Variants in CADM2 observed in about 807,000 individuals in gnomAD.
CADM2 encodes cell adhesion molecule 2.
Under a neutral mutation model 49.8 loss-of-function variants are expected in CADM2, and 12 were observed. The observed-to-expected ratio is 0.24, with a 90% CI of 0.15 to 0.39. The LOEUF (loss-of-function observed/expected upper bound fraction) is 0.39. Among genes scored for constraint, CADM2 ranks in the 10% least tolerant of loss-of-function variants. The pLI is 1.00. For synonymous variants in CADM2, 214 were observed against 175.4 expected (o/e 1.22, Z -1.74); for missense variants, 378 against 492.3 (o/e 0.77, Z 2.20).
chr3:85,354,604 T>C (rs1003997482), intron 1 of CADM2, among the ~76,000 whole-genome samples: 8 of 44,898 alleles, frequency 1.8e-4, no homozygotes, highest in Non-Finnish European at 3.6e-4. Flanking sequence ...CATCATATTA[T>C]AAAGAATACC....
chr3:85,060,922 A>G (rs1235952246), intron 1 of CADM2, among the ~76,000 whole-genome samples: 1 of 152,164 alleles, frequency 6.6e-6, no homozygotes, highest in Non-Finnish European at 1.5e-5. Flanking sequence ...TTAAAATATA[A>G]TATAAATAAT....
At chr3:85,105,489 G>T (rs914315945) in intron 1 of CADM2, among the ~76,000 whole-genome samples, 1 of 152,188 alleles carries the variant, frequency 6.6e-6, no homozygotes, top group Non-Finnish European at 1.5e-5. Context: ...TACTTACACT[G>T]TTGGTGGGAC....
At chr3:85,891,987 A>T (rs1408365551) in intron 5 of CADM2, among the ~76,000 whole-genome samples, 1 of 152,204 alleles carries the variant, frequency 6.6e-6, no homozygotes, top group African/African-American at 2.4e-5. Context: ...GTTACACAGC[A>T]GTATTAGGAA....
At chr3:85,516,205 C>CTG (rs2060898969) in intron 1 of CADM2, among the ~76,000 whole-genome samples, 1 of 152,100 alleles carries the variant, frequency 6.6e-6, no homozygotes, top group Non-Finnish European at 1.5e-5. Context: ...AATGCAGATC[C>CTG]TGTGTTCCAT....
chr3:85,512,415 C>T (rs73128361), intron 1 of CADM2, among the ~76,000 whole-genome samples: 5 of 151,754 alleles, frequency 3.3e-5, no homozygotes, highest in African/African-American at 7.3e-5. Context: ...TCCAATAGAC[C>T]GTTGATTTCA....
chr3:85,533,891 C>A (rs562928763), intron 1 of CADM2, among the ~76,000 whole-genome samples: 1 of 151,950 alleles, frequency 6.6e-6, no homozygotes, highest in Non-Finnish European at 1.5e-5. Context: ...AGGGAAAGAG[C>A]AAGCCTTTCC....
At chr3:86,032,159 T>A (rs907880799) in intron 8 of CADM2, among the ~76,000 whole-genome samples, 12 of 150,868 alleles carry the variant, frequency 8.0e-5, no homozygotes, top group African/African-American at 3.0e-4. Context: ...ACATATAGAC[T>A]CTTATCACAG....
At chr3:85,257,814 C>T (rs915751786) in intron 1 of CADM2, among the ~76,000 whole-genome samples, 15 of 152,014 alleles carry the variant, frequency 9.9e-5, no homozygotes, top group Non-Finnish European at 1.8e-4. Context: ...TTTTAAAAAT[C>T]TATTTAATTT....
intron 1 of CADM2, among the ~76,000 whole-genome samples, chr3:85,285,492 A>C (rs1174246222): frequency 6.6e-6 from 1 of 152,154 alleles, no homozygotes; most frequent in African/African-American, 2.4e-5. Context: ...CTAACATGCA[A>C]ATTTTTTGTA....
intron 1 of CADM2, among the ~76,000 whole-genome samples, chr3:85,651,359 T>G (rs1057298604): frequency 2.0e-5 from 3 of 152,158 alleles, no homozygotes; most frequent in African/African-American, 7.2e-5. Context: ...GTCATGTCTT[T>G]GTGTATTCGT....
chr3:85,138,478 T>A (rs1229311980), intron 1 of CADM2, among the ~76,000 whole-genome samples: 1 of 152,160 alleles, frequency 6.6e-6, no homozygotes, highest in Non-Finnish European at 1.5e-5. Flanking sequence ...CAATCTAATA[T>A]TGGGCAAAGA....
intron 8 of CADM2, among the ~76,000 whole-genome samples, chr3:86,006,115 C>T (rs144978713): frequency 5.1e-4 from 77 of 152,282 alleles, no homozygotes; most frequent in Non-Finnish European, 9.1e-4. Context: ...ATCCATTCAT[C>T]TGTTGATGGA....
intron 1 of CADM2, among the ~76,000 whole-genome samples, chr3:85,081,116 C>A (rs925762367): frequency 6.6e-6 from 1 of 152,016 alleles, no homozygotes; most frequent in Non-Finnish European, 1.5e-5. Flanking sequence ...TGAAAAATTA[C>A]AATTCAATAT....
intron 1 of CADM2, among the ~76,000 whole-genome samples, chr3:84,974,789 T>G (rs1575951700): frequency 6.6e-6 from 1 of 151,984 alleles, no homozygotes; most frequent in Admixed American, 6.6e-5. Flanking sequence ...ACCTCATTTC[T>G]GTAACATTTA....
chr3:84,988,261 T>C (rs1249059383), intron 1 of CADM2, among the ~76,000 whole-genome samples: 1 of 152,228 alleles, frequency 6.6e-6, no homozygotes, highest in Non-Finnish European at 1.5e-5. Context: ...TCCTTTTTCT[T>C]TGGCACTAGC....
At chr3:85,203,353 G>A (rs1039037799) in intron 1 of CADM2, among the ~76,000 whole-genome samples, 4 of 152,034 alleles carry the variant, frequency 2.6e-5, no homozygotes, top group Non-Finnish European at 4.4e-5. Context: ...TAATATTATT[G>A]TGTGCAGAGA....
At chr3:85,668,477 C>T (rs2065641897) in intron 1 of CADM2, among the ~76,000 whole-genome samples, 1 of 151,994 alleles carries the variant, frequency 6.6e-6, no homozygotes, top group Non-Finnish European at 1.5e-5. Context: ...TTGTAACTTC[C>T]AAAATTCCCA....
chr3:85,787,954 C>T (rs1030773935), intron 2 of CADM2, among the ~76,000 whole-genome samples: 1 of 152,082 alleles, frequency 6.6e-6, no homozygotes, highest in Non-Finnish European at 1.5e-5. Flanking sequence ...TTTGCATTAG[C>T]TGATTTACTT....
intron 1 of CADM2, among the ~76,000 whole-genome samples, chr3:85,537,854 T>A (rs902628454): frequency 5.3e-5 from 8 of 152,038 alleles, no homozygotes; most frequent in African/African-American, 1.9e-4. Context: ...CATCTTCAAA[T>A]TTATCATAAC....
Sources: allele counts gnomAD v4.1 joint callset (sites outside exome capture counted in the v4.1 genomes callset), GRCh38; gene constraint gnomAD v4.1.1; transcripts MANE v1.5; gene names NCBI Gene and HGNC (gene_info 2026-07-23, HGNC 2026-07-21).